Variants in CMYA5 observed in about 807,000 individuals in gnomAD.
CMYA5 encodes cardiomyopathy associated 5, also known as cardiomyopathy-associated protein 5.
Under a neutral mutation model 318.9 loss-of-function variants are expected in CMYA5, and 246 were observed. The ratio of observed to expected loss-of-function variants is 0.77; its 90% CI spans 0.70 to 0.86. The LOEUF (loss-of-function observed/expected upper bound fraction) is 0.86. CMYA5 is among the 40% of genes least tolerant of loss of function. The pLI is 0.00. For missense variants in CMYA5, 4,589 were observed against 4,678.2 expected, an observed-to-expected ratio of 0.98 and a Z score of 0.56; for synonymous variants, 1,641 against 1,729.5, an observed-to-expected ratio of 0.95 and a Z score of 1.27.
intron 9 of CMYA5, among the ~76,000 whole-genome samples, chr5:79,784,499 G>T (rs1322982619): frequency 1.2e-5 from 1 of 86,700 alleles, no homozygotes; most frequent in Non-Finnish European, 2.2e-5. Flanking sequence ...GGGCAATGGC[G>T]GGAGCCCCTC....
chr5:79,790,273 C>T (rs1829152621), intron 10 of CMYA5, among the ~76,000 whole-genome samples: 1 of 141,066 alleles, frequency 7.1e-6, no homozygotes, highest in Non-Finnish European at 1.6e-5. Flanking sequence ...GTGCATCCCC[C>T]ATTTTTTTTT....
chr5:79,749,622 T>C (rs983749724), intron 5 of CMYA5, among the ~76,000 whole-genome samples: 1 of 152,200 alleles, frequency 6.6e-6, no homozygotes, highest in African/African-American at 2.4e-5. Context: ...ATGTAAATAT[T>C]AGTCTATTTT....
chr5:79,764,194 C>G (rs1828707936), intron 9 of CMYA5, among the ~76,000 whole-genome samples: 1 of 151,702 alleles, frequency 6.6e-6, no homozygotes, highest in Non-Finnish European at 1.5e-5. Flanking sequence ...ATGGTCCCCT[C>G]CCTGTGTCCA....
At chr5:79,712,404 G>A (rs1013947291) in intron 1 of CMYA5, among the ~76,000 whole-genome samples, 1 of 151,770 alleles carries the variant, frequency 6.6e-6, no homozygotes, top group Non-Finnish European at 1.5e-5. Context: ...GTATAGATGG[G>A]GTATCACCAT....
Position 79,729,657 on chromosome 5 carries a change from G to T in CMYA5, c.892G>T (p.Glu298Ter), listed in dbSNP as rs1400346121. The T allele has an allele frequency of 6.2e-7, 1 of 1,613,642 alleles. No individual in the cohort carries two copies. The highest frequency in any genetic ancestry group is 1.7e-5 in the Admixed American group (1 of 59,942). Reference protein sequence around the residue: ...VAQSIEDKVKEVFPPWRGALS... With the variant: ...VAQSIEDKVK Reference sequence around the variant, plus strand: ...CCAAAGCATAGAGGATAAAGTAAAAGAGGTTTTTCCACCCTGGAGAGGCGC... The same window carrying T: ...CCAAAGCATAGAGGATAAAGTAAAATAGGTTTTTCCACCCTGGAGAGGCGC... The change falls in exon 2 of 13, where the codon GAG (glutamate) becomes TAG (stop). Residue 298 changes from glutamate to a stop codon, truncating the protein, a stop_gained. Transcript: ENST00000446378. LOFTEE classifies it high-confidence loss of function.
Position 79,689,937 on chromosome 5 carries a change from C to G in CMYA5, c.30C>G (p.Gly10=), listed in dbSNP as rs1164782828. Residue 10 remains glycine (G), a synonymous_variant, in exon 1 of 13, where the codon GGC becomes GGG. Coordinates refer to ENST00000446378, the MANE Select transcript of CMYA5 (RefSeq NM_153610.5). The part of the protein sequence containing the change: MASRDSNHA[G]ESFLGSDGDE... ...CGAGCCGCGATAGCAACCACGCTGG[C>G]GAGAGCTTTCTCGGCTCCGACGGGG... 1.0e-6 allele frequency: 1 copy of G among 998,596 alleles called. No individual in the cohort carries two copies. The highest frequency in any genetic ancestry group is 1.6e-5 in the African/African-American group (1 of 60,820). 61.9% of individuals were successfully genotyped at this position (998,596 alleles called of 1,614,324 possible).
At chr5:79,759,978 T>C (rs970829826) in intron 7 of CMYA5, among the ~76,000 whole-genome samples, 2 of 152,214 alleles carry the variant, frequency 1.3e-5, no homozygotes, top group Admixed American at 1.3e-4. Context: ...AGAAAACTAA[T>C]GTGAGGTTAC....
intron 1 of CMYA5, among the ~76,000 whole-genome samples, chr5:79,700,971 G>A (rs1005883443): frequency 3.3e-5 from 5 of 151,648 alleles, no homozygotes; most frequent in African/African-American, 7.3e-5. Flanking sequence ...AGGGCTGGGC[G>A]CAGTGGCTCA....
chr5:79,778,463 A>C (rs1828985636), intron 9 of CMYA5, among the ~76,000 whole-genome samples: 1 of 152,208 alleles, frequency 6.6e-6, no homozygotes, highest in Admixed American at 6.5e-5. Flanking sequence ...AATTTGTAGA[A>C]AATGAAATCT....
At chr5:79,765,669 C>T (rs900105315) in intron 9 of CMYA5, among the ~76,000 whole-genome samples, 1 of 152,166 alleles carries the variant, frequency 6.6e-6, no homozygotes, top group Non-Finnish European at 1.5e-5. Flanking sequence ...TTTCTTTGAG[C>T]AGTGGTTTGT....
intron 1 of CMYA5, among the ~76,000 whole-genome samples, chr5:79,706,743 C>T (rs145425465): frequency 2.4e-4 from 37 of 152,228 alleles, no homozygotes; most frequent in East Asian, 1.2e-3. Context: ...GCACATCACG[C>T]GCTGTTGGCT....
In CMYA5 at chr5:79,743,876, T is replaced by C; in HGVS notation, c.10688T>C (p.Ile3563Thr). 1 of 1,549,276 alleles carries C rather than the reference T, an allele frequency of 6.5e-7. No individual in the cohort carries two copies. The highest frequency in any genetic ancestry group is 8.7e-7 in the Non-Finnish European group (1 of 1,145,374). Residue 3563 changes from isoleucine to threonine, a missense_variant, in exon 3 of 13, where the codon ATT becomes ACT. Physicochemically the swap from Ile to Thr is moderately conservative, Grantham distance 89. This residue lies in a region of CMYA5 where 2,431 missense variants were observed against 2,495.1 expected (regional missense o/e 0.97). Coordinates refer to ENST00000446378, the MANE Select transcript of CMYA5 (RefSeq NM_153610.5). ...LENLQEKSLR[I>T]EAFVSEIESF... ...AATTTACAAGAAAAGTCCTTGAGGA[T>C]TGAAGCCTTTGTTAGTGAGATAGAA...
At chr5:79,749,195 G>C (rs1828386977) in intron 5 of CMYA5, among the ~76,000 whole-genome samples, 1 of 152,078 alleles carries the variant, frequency 6.6e-6, no homozygotes, top group Non-Finnish European at 1.5e-5. Flanking sequence ...GAGTACACTT[G>C]GGCTAACCAT....
In CMYA5 at chr5:79,789,045, G is replaced by A. The variant is rs202194068; in HGVS notation, c.11630G>A (p.Arg3877Lys). 629 of 1,613,786 alleles carry A rather than the reference G, an allele frequency of 3.9e-4. No individual in the cohort carries two copies. Among genetic ancestry groups the A allele is most frequent in the Non-Finnish European group, 4.7e-4 (551 of 1,179,860 alleles). ...QPNDNYFFYV[R>K]AINAFGTSEQ... Reference sequence around the variant, plus strand: ...AATGATAACTACTTTTTCTATGTGAGGGCCATCAATGCATTTGGGACAAGT... The same window carrying A: ...AATGATAACTACTTTTTCTATGTGAAGGCCATCAATGCATTTGGGACAAGT... The change falls in exon 10 of 13, where the codon AGG becomes AAG. Residue 3877 changes from arginine (R) to lysine (K), a missense_variant. Arg to Lys is a conservative substitution (Grantham distance 26, BLOSUM62 2). Coordinates refer to ENST00000446378, the MANE Select transcript of CMYA5 (RefSeq NM_153610.5).
chr5:79,738,242 A>G lies in CMYA5; in HGVS notation c.9477A>G (p.Glu3159=), dbSNP rs1167855283. Residue 3159 remains glutamate (E), a synonymous_variant, in exon 2 of 13, where the codon GAA becomes GAG. Coordinates refer to ENST00000446378, the MANE Select transcript of CMYA5 (RefSeq NM_153610.5). ...DSKSPGMPLF[E]AEEGVLSRTQ... ...AGTCACCGGGGATGCCTTTATTTGA[A>G]GCAGAGGAAGGAGTTCTATCACGAA... 1 of 1,613,778 alleles carries G rather than the reference A, an allele frequency of 6.2e-7. No homozygotes were observed. The highest frequency in any genetic ancestry group is 8.5e-7 in the Non-Finnish European group (1 of 1,179,842).
At chr5:79,765,754 G>A (rs986140490) in intron 9 of CMYA5, among the ~76,000 whole-genome samples, 1 of 152,136 alleles carries the variant, frequency 6.6e-6, no homozygotes, top group African/African-American at 2.4e-5. Context: ...TGTAGCAATT[G>A]GGAATGGGCA....
chr5:79,715,340 A>T lies in CMYA5; in HGVS notation c.150-13575A>T, dbSNP rs897977966. 5.9e-5 allele frequency among the ~76,000 whole-genome samples: 9 copies of T among 151,384 alleles called. No homozygotes were observed. The South Asian group carries it at 1.0e-3, about 18-fold the overall frequency. ...TCTCGCTCTGTCACCCAGGCTGGAG[A>T]GCAGTGGTGCGATCTCAGCTCACTG... On this transcript the variant is annotated intron_variant, in intron 1 of 12. Coordinates refer to ENST00000446378, the MANE Select transcript of CMYA5 (RefSeq NM_153610.5).
At chr5:79,771,013 T>G (rs1756232008) in intron 9 of CMYA5, among the ~76,000 whole-genome samples, 1 of 151,340 alleles carries the variant, frequency 6.6e-6, no homozygotes, top group Non-Finnish European at 1.5e-5. Flanking sequence ...GAAGGCAGGC[T>G]TCAGTATTAG....
Position 79,729,557 on chromosome 5 carries a change from T to C in CMYA5, c.792T>C (p.Asp264=). The C allele has an allele frequency of 2.5e-6, 4 of 1,613,478 alleles. No homozygotes were observed. The highest frequency in any genetic ancestry group is 3.4e-6 in the Non-Finnish European group (4 of 1,179,408). ...AAATACATTATAGGAAAGGGAAAGA[T>C]GCATCCATTAGTCTAGAGCCAGATT... ...IKEIHYRKGK[D]ASISLEPDLD... is the part of the protein sequence containing the mutation. Residue 264 remains aspartate, a synonymous_variant, in exon 2 of 13, where the codon GAT becomes GAC. Transcript: ENST00000446378.
Sources: allele counts gnomAD v4.1 joint callset (sites outside exome capture counted in the v4.1 genomes callset), GRCh38; gene constraint gnomAD v4.1.1; regional missense constraint gnomAD v4.1.1; transcripts MANE v1.5; gene names NCBI Gene and HGNC (gene_info 2026-07-23, HGNC 2026-07-21).